The following TYW1B variants were observed in gnomAD, a reference collection of about 807,000 sequenced individuals.
The protein encoded by TYW1B is S-adenosyl-L-methionine-dependent tRNA 4-demethylwyosine synthase TYW1B.
TYW1B carries 73 observed loss-of-function variants against 86.9 expected under a neutral mutation model. The observed-to-expected ratio is 0.84, with a 90% CI of 0.70 to 1.02. The LOEUF (loss-of-function observed/expected upper bound fraction) is 1.02. TYW1B is among the 50% of genes least tolerant of loss of function. The pLI is 0.00. For missense variants in TYW1B, 637 were observed against 827.4 expected, an observed-to-expected ratio of 0.77 and a Z score of 2.82; for synonymous variants, 248 against 292.8, an observed-to-expected ratio of 0.85 and a Z score of 1.56.
intron 11 of TYW1B, among the ~76,000 whole-genome samples, chr7:72,682,909 C>T (rs1554448657): frequency 1.3e-5 from 2 of 152,176 alleles, no homozygotes; most frequent in Non-Finnish European, 2.9e-5. Flanking sequence ...AGGGGCCCTA[C>T]ACTTTTGTGA....
In TYW1B at chr7:72,728,831, G is replaced by A. The variant is rs782581740; in HGVS notation, c.1183C>T (p.Gln395Ter). The A allele has an allele frequency of 2.5e-6, 4 of 1,613,006 alleles. No homozygotes were observed. The highest frequency in any genetic ancestry group is 1.7e-4 in the Middle Eastern group (1 of 6,060). The change falls in exon 9 of 14, where the codon CAG becomes TAG. Residue 395 changes from glutamine (Q) to a stop codon, truncating the protein, a stop_gained. Coordinates refer to ENST00000620995, the MANE Select transcript of TYW1B (RefSeq NM_001145440.3). LOFTEE classifies it high-confidence loss of function. ...GAGGGAAGATAAATACCTTTAAACT[G>A]CTTAATCATGTTCTGATGGTTTTCA... ...AIENHQNMIK[Q>*]FKGVPGVKAE...
intron 8 of TYW1B, among the ~76,000 whole-genome samples, chr7:72,733,757 T>G (rs1360510786): frequency 6.6e-6 from 1 of 152,186 alleles, no homozygotes; most frequent in Non-Finnish European, 1.5e-5. Flanking sequence ...CCCATGTCCA[T>G]GGGTTGGAAG....
At chr7:72,751,521 T>C (rs937870686) in intron 7 of TYW1B, among the ~76,000 whole-genome samples, 1 of 152,238 alleles carries the variant, frequency 6.6e-6, no homozygotes, top group African/African-American at 2.4e-5. Context: ...AACTTGTCTT[T>C]GCTGAGATTT....
chr7:72,670,035 G>C (rs1813559666), intron 11 of TYW1B, among the ~76,000 whole-genome samples: 1 of 152,118 alleles, frequency 6.6e-6, no homozygotes, highest in Non-Finnish European at 1.5e-5. Context: ...GGCAGCTGAG[G>C]TGGGAGGATT....
At chr7:72,587,106 G>A (rs1382486694) in intron 13 of TYW1B, among the ~76,000 whole-genome samples, 1 of 152,162 alleles carries the variant, frequency 6.6e-6, no homozygotes, top group South Asian at 2.1e-4. Flanking sequence ...AGAGCAGGGG[G>A]AGTACTGATG....
intron 11 of TYW1B, among the ~76,000 whole-genome samples, chr7:72,638,925 A>G (rs1358443417): frequency 1.3e-5 from 2 of 152,232 alleles, no homozygotes; most frequent in African/African-American, 4.8e-5. Context: ...AACACAGACT[A>G]TATTAAAAGA....
chr7:72,826,479 T>C (rs1249256087), intron 2 of TYW1B, among the ~76,000 whole-genome samples: 1 of 152,180 alleles, frequency 6.6e-6, no homozygotes, highest in Non-Finnish European at 1.5e-5. Flanking sequence ...AGAAAAAACT[T>C]TACATACTTT....
intron 12 of TYW1B, among the ~76,000 whole-genome samples, chr7:72,622,685 ACACATG>A (rs1812250306): frequency 1.3e-5 from 2 of 151,982 alleles, no homozygotes; most frequent in Admixed American, 1.3e-4. Context: ...CATAACACAT[ACACATG>A]CACACAACAC....
intron 11 of TYW1B, among the ~76,000 whole-genome samples, chr7:72,687,233 C>A (rs1372792952): frequency 1.3e-5 from 2 of 152,070 alleles, no homozygotes; most frequent in South Asian, 4.2e-4. Flanking sequence ...ATCAGGAGTT[C>A]GAGATCAGCC....
chr7:72,798,489 C>A (rs1355804916), intron 6 of TYW1B, among the ~76,000 whole-genome samples: 1 of 152,150 alleles, frequency 6.6e-6, no homozygotes, highest in African/African-American at 2.4e-5. Context: ...TTATTCAGAG[C>A]CACACAACAA....
At chr7:72,807,742 T>C (rs1381373721) in intron 4 of TYW1B, among the ~76,000 whole-genome samples, 1 of 152,118 alleles carries the variant, frequency 6.6e-6, no homozygotes, top group African/African-American at 2.4e-5. Context: ...GCCTATTCCG[T>C]TATAAAATGA....
chr7:72,715,237 T>C (rs1370906235), intron 9 of TYW1B, among the ~76,000 whole-genome samples: 1 of 152,012 alleles, frequency 6.6e-6, no homozygotes, highest in Non-Finnish European at 1.5e-5. Flanking sequence ...TAGTAGCCAC[T>C]AGCACACACC....
chr7:72,802,338 A>G, intron 6 of TYW1B, 62 bp downstream of exon 6: 1 of 1,602,398 alleles, frequency 6.2e-7, no homozygotes, highest in Non-Finnish European at 8.5e-7. Context: ...ACAGTAATAA[A>G]GAAATACTAA....
intron 3 of TYW1B, among the ~76,000 whole-genome samples, chr7:72,812,086 G>T (rs1440063678): frequency 4.6e-5 from 7 of 151,462 alleles, no homozygotes; most frequent in Admixed American, 4.6e-4. Flanking sequence ...ATACAGGCTG[G>T]GTATCCATTA....
At chr7:72,592,160 T>TAAAAAAAAAAA (rs56146824) in intron 13 of TYW1B, among the ~76,000 whole-genome samples, 6 of 103,398 alleles carry the variant, frequency 5.8e-5, no homozygotes, top group African/African-American at 2.1e-4. Flanking sequence ...ACTAATGTGT[T>TAAAAAAAAAAA]AAAAAAAAAA....
intron 9 of TYW1B, among the ~76,000 whole-genome samples, chr7:72,720,265 A>C (rs1220371406): frequency 1.3e-5 from 2 of 152,204 alleles, no homozygotes; most frequent in Non-Finnish European, 2.9e-5. Context: ...TGGAGCTAAC[A>C]GGACAGGGAG....
At chr7:72,731,889 G>C (rs752663706) in intron 8 of TYW1B, among the ~76,000 whole-genome samples, 39 of 152,130 alleles carry the variant, frequency 2.6e-4, no homozygotes, top group Non-Finnish European at 5.1e-4. Context: ...GCAGTGAACC[G>C]AGATTGTGCC....
chr7:72,780,727 C>A lies in TYW1B; in HGVS notation c.847-3194G>T, dbSNP rs143862084. On this transcript the variant is annotated intron_variant, in intron 6 of 13. Transcript: ENST00000620995. ...GATTAAAGGTCTTGAGCACTCAGGA[C>A]AAACAAAATTCATCACTCCTTCCCT... Among the ~76,000 whole-genome samples, 396 of 152,278 alleles carry A rather than the reference C, an allele frequency of 2.6e-3. 1 individual carries two copies. The highest frequency in any genetic ancestry group is 6.8e-3 in the African/African-American group (281 of 41,564).
chr7:72,816,444 T>C (rs1237890998), intron 2 of TYW1B, among the ~76,000 whole-genome samples: 2 of 152,044 alleles, frequency 1.3e-5, no homozygotes, highest in Admixed American at 6.6e-5. Flanking sequence ...AAGAAGACGG[T>C]TGACAGACAG....
Sources: allele counts gnomAD v4.1 joint callset (sites outside exome capture counted in the v4.1 genomes callset), GRCh38; gene constraint gnomAD v4.1.1; transcripts MANE v1.5; gene names NCBI Gene and HGNC (gene_info 2026-07-23, HGNC 2026-07-21).